CTPS1: variants seen among roughly 807,000 people sequenced by gnomAD.
CTPS1 encodes the protein CTP synthase 1, also known as CTP synthetase 1.
A neutral mutation model predicts 80.5 loss-of-function variants in CTPS1; 25 were observed. The ratio of observed to expected loss-of-function variants is 0.31; its 90% CI spans 0.23 to 0.43. The LOEUF (loss-of-function observed/expected upper bound fraction) is 0.43. Among genes scored for constraint, CTPS1 ranks in the 20% least tolerant of loss-of-function variants. The probability of loss-of-function intolerance (pLI) is 1.00; values close to 1 mark genes in which losing one functional copy is unlikely to be tolerated. For synonymous variants in CTPS1, 267 were observed against 252.5 expected (o/e 1.06, Z -0.54); for missense variants, 442 against 725.7 (o/e 0.61, Z 4.49).
Position 41,007,535 on chromosome 1 carries a change from C to T in CTPS1, c.1383C>T (p.Asn461=), listed in dbSNP as rs1643064575. Residue 461 remains asparagine (N), a synonymous_variant, in exon 14 of 19, where the codon AAC becomes AAT. Transcript: ENST00000650070. The surrounding 1 kb of genome is among the most constrained non-coding windows in gnomAD (Gnocchi z 4.4). ...GGAGAACCCTGTTCCAGACCAAGAA[C>T]TCAGTCATGAGTAAGAGCTGCCTCA... ...GKRRTLFQTK[N]SVMRKLYGDA... 2 of 1,613,932 alleles carry T rather than the reference C, an allele frequency of 1.2e-6. No individual in the cohort carries two copies. Among genetic ancestry groups the T allele is most frequent in the East Asian group, 2.2e-5 (1 of 44,898 alleles).
intron 1 of CTPS1, 112 bp downstream of exon 1, chr1:40,979,941 C>G (rs1651779135): frequency 6.6e-6 from 1 of 152,176 alleles, no homozygotes; most frequent in Non-Finnish European, 1.5e-5. Flanking sequence ...GGACGTCGCT[C>G]CTACCAATCA....
rs1642775756 is a variant in CTPS1, at chr1:40,997,204, C to T, written c.873-190C>T. The T allele has an allele frequency of 8.4e-6, 5 of 592,308 alleles. No homozygotes were observed. The South Asian group carries it at 8.5e-5, about 10-fold the overall frequency. 36.7% of individuals were successfully genotyped at this position (592,308 alleles called of 1,614,324 possible). A position where few individuals can be genotyped will look rare whatever the true frequency, so the allele number is the denominator to read the frequency against. On this transcript the variant is annotated intron_variant, in intron 8 of 18. Coordinates refer to ENST00000650070, the MANE Select transcript of CTPS1 (RefSeq NM_001905.4). ...CTGTAGTGCAGTGGTGCAGTCAGCT[C>T]ACTGTAACCTCCAACTCCTGGGCTC...
chr1:41,009,876 AG>A (rs1474741751), intron 17 of CTPS1, among the ~76,000 whole-genome samples: 1 of 152,210 alleles, frequency 6.6e-6, no homozygotes, highest in African/African-American at 2.4e-5. Context: ...CTGGGAAGTA[AG>A]CCACAATGGG....
At chr1:41,010,090 TG>T in intron 17 of CTPS1, 70 bp from the exon 18 acceptor site, 1 of 995,112 alleles carries the variant, frequency 1.0e-6, no homozygotes, top group African/African-American at 1.6e-5. Flanking sequence ...GTAGGAACCG[TG>T]GTTACAAAAA....
intron 8 of CTPS1, among the ~76,000 whole-genome samples, chr1:40,996,723 T>C (rs1348055356): frequency 1.3e-5 from 2 of 152,248 alleles, no homozygotes; most frequent in East Asian, 3.8e-4. Flanking sequence ...AGTCTTTGTC[T>C]GCTTACATAT....
At chr1:41,002,452 A>G (rs890134642) in intron 11 of CTPS1, among the ~76,000 whole-genome samples, 198 bp downstream of exon 11, 2 of 152,150 alleles carry the variant, frequency 1.3e-5, no homozygotes, top group Admixed American at 6.6e-5. Context: ...TATGAGCTAC[A>G]TGTAGATGTC....
intron 8 of CTPS1, among the ~76,000 whole-genome samples, chr1:40,996,971 C>T (rs965968914): frequency 2.0e-5 from 3 of 151,766 alleles, no homozygotes; most frequent in Admixed American, 6.6e-5. Flanking sequence ...TTGTGTGAGA[C>T]GTTGAAACTC....
rs1160496314 is a variant in CTPS1, at chr1:41,009,083, C to G, written c.1546+193C>G. ...CTTCTTTCTGGTACATGGCCTTCCT[C>G]GGGGAGCCATTTAACTTCTGGCCGC... On this transcript the variant is annotated intron_variant, in intron 16 of 18. Coordinates refer to ENST00000650070, the MANE Select transcript of CTPS1 (RefSeq NM_001905.4). Among the ~76,000 whole-genome samples the G allele has an allele frequency of 3.3e-5, 5 of 152,166 alleles. No individual in the cohort carries two copies. In the East Asian group the frequency reaches 9.6e-4, roughly 29 times the overall value.
chr1:40,985,650 C>T (rs1416981424), intron 3 of CTPS1, among the ~76,000 whole-genome samples: 4 of 152,048 alleles, frequency 2.6e-5, no homozygotes, highest in Non-Finnish European at 5.9e-5. Flanking sequence ...TGGCTTTAAT[C>T]TGAGTTATGA....
At chr1:40,989,813 A>G (rs1429040880) in intron 5 of CTPS1, among the ~76,000 whole-genome samples, 2 of 152,206 alleles carry the variant, frequency 1.3e-5, no homozygotes, top group Non-Finnish European at 2.9e-5. Context: ...CATTGAGAGA[A>G]CAGAAAAGAA....
intron 2 of CTPS1, among the ~76,000 whole-genome samples, 163 bp downstream of exon 2, chr1:40,983,619 C>CTTTTTTTTTTTTTTTTT (rs56179408): frequency 7.1e-6 from 1 of 140,310 alleles, no homozygotes; most frequent in Non-Finnish European, 1.5e-5. Context: ...AAGCAGAATT[C>CTTTTTTTTTTTTTTTTT]TTTTTTTTTT....
At chr1:41,004,837 A>G (rs1008383870) in intron 12 of CTPS1, among the ~76,000 whole-genome samples, 5 of 152,188 alleles carry the variant, frequency 3.3e-5, no homozygotes. Flanking sequence ...TTAAGACAAT[A>G]TAAAAACTTG....
chr1:41,007,598 G>A lies in CTPS1; in HGVS notation c.1393+53G>A. 7.5e-6 allele frequency: 11 copies of A among 1,459,170 alleles called. No individual in the cohort carries two copies. Among genetic ancestry groups the A allele is most frequent in the Admixed American group, 3.4e-5 (2 of 58,504 alleles). 90.4% of individuals were successfully genotyped at this position (1,459,170 alleles called of 1,614,324 possible). ...CTTTGGCTCTGCGTGCCCAGGACGC[G>A]TGTCTTAGGGTGATGCTGTGGCTTC... On this transcript the variant is annotated intron_variant, in intron 14 of 18. Transcript: ENST00000650070. This position sits in a 1 kb window ranked among gnomAD's most constrained non-coding sequence, Gnocchi z 4.4.
chr1:41,004,441 C>T (rs55884422), intron 12 of CTPS1, among the ~76,000 whole-genome samples: 156 of 152,310 alleles, frequency 1.0e-3, no homozygotes, highest in Non-Finnish European at 1.5e-3. Flanking sequence ...TATCACCCGC[C>T]ACCCCAGAGC....
At chr1:41,010,309 A>G in intron 18 of CTPS1, 55 bp downstream of exon 18, 1 of 1,236,398 alleles carries the variant, frequency 8.1e-7, no homozygotes, top group Non-Finnish European at 1.2e-6. Context: ...ACACACTGCG[A>G]TTGCAAGAAT....
chr1:40,991,987 C>T (rs569558511), intron 7 of CTPS1, 142 bp downstream of exon 7: 2 of 652,868 alleles, frequency 3.1e-6, no homozygotes, highest in Non-Finnish European at 5.5e-6. Context: ...TCGGCCATTC[C>T]CTGCCTCTCC....
chr1:41,005,422 C>T (rs1357684936), intron 12 of CTPS1, among the ~76,000 whole-genome samples: 2 of 151,142 alleles, frequency 1.3e-5, no homozygotes, highest in African/African-American at 4.9e-5. Context: ...AGCCTGCCCA[C>T]ACTTGTTGCC....
Position 41,002,019 on chromosome 1 carries a change from C to T in CTPS1, c.1095-141C>T, listed in dbSNP as rs1057410918. The T allele has an allele frequency of 6.7e-6, 5 of 740,842 alleles. No homozygotes were observed. The African/African-American group carries it at 8.8e-5, about 13-fold the overall frequency. The allele number at this position is 740,842 out of a possible 1,614,324, so 45.9% of individuals were successfully genotyped here. A position where few individuals can be genotyped will look rare whatever the true frequency, so the allele number is the denominator to read the frequency against. ...GCAGTTTCTAAGTTGATAGTGTTTACATACAATTCATTGTCACAGTAGCAC... is the reference window on the plus strand; with the variant it reads ...GCAGTTTCTAAGTTGATAGTGTTTATATACAATTCATTGTCACAGTAGCAC... On this transcript the variant is annotated intron_variant, in intron 10 of 18. Transcript: ENST00000650070.
At position 41,012,238 on chromosome 1, in the gene CTPS1, C is replaced by T. The variant is rs934992988; in HGVS notation, c.*590C>T. The T allele has an allele frequency of 6.6e-6, 1 of 152,192 alleles. No homozygotes were observed. Among genetic ancestry groups the T allele is most frequent in the Non-Finnish European group, 1.5e-5 (1 of 68,040 alleles). The allele number at this position is 152,192 out of a possible 1,614,324, so 9.4% of individuals were successfully genotyped here. The stretch of plus-strand genomic sequence containing the variant: ...GTGTCAACATGAAACACCAAGATGT[C>T]TGTCTCTGAAGCGTGATTTTAAAAT... On this transcript the variant is annotated 3_prime_UTR_variant, in exon 19 of 19. Transcript: ENST00000650070.
Sources: allele counts gnomAD v4.1 joint callset (sites outside exome capture counted in the v4.1 genomes callset), GRCh38; gene constraint gnomAD v4.1.1; non-coding constraint Gnocchi (gnomAD v3.1); transcripts MANE v1.5; gene names NCBI Gene and HGNC (gene_info 2026-07-23, HGNC 2026-07-21).